CPLX2: variants seen among roughly 807,000 people sequenced by gnomAD.
The protein encoded by CPLX2 is complexin-2.
A neutral mutation model predicts 16.3 loss-of-function variants in CPLX2; 5 were observed. The observed-to-expected ratio is 0.31, with a 90% CI of 0.16 to 0.64. The LOEUF (loss-of-function observed/expected upper bound fraction) is 0.64. CPLX2 is among the 30% of genes least tolerant of loss of function. CPLX2 has a pLI of 0.79. For missense variants in CPLX2, 144 were observed against 181.4 expected (o/e 0.79, Z 1.18); for synonymous variants, 89 against 73.2 (o/e 1.22, Z -1.10).
chr5:175,863,952 A>G (rs1759417209), intron 2 of CPLX2, among the ~76,000 whole-genome samples: 1 of 152,160 alleles, frequency 6.6e-6, no homozygotes, highest in Admixed American at 6.5e-5. Context: ...TCTCATTCCA[A>G]CTTAAATACA....
At chr5:175,871,472 A>AGAAAGAGAGAGAGAGAGAGG (rs1759614979), upstream of CPLX2, 1 of 149,546 alleles carries the variant, frequency 6.7e-6, no homozygotes, top group African/African-American at 2.5e-5. Flanking sequence ...AGAGAGAGAG[A>AGAAAGAGAGAGAGAGAGAGG]GAGAGAGAGA....
At chr5:175,842,647 C>G (rs1313413566) in intron 2 of CPLX2, among the ~76,000 whole-genome samples, 2 of 152,228 alleles carry the variant, frequency 1.3e-5, no homozygotes, top group Admixed American at 6.5e-5. Context: ...AATCCTCCTC[C>G]CCTGGCCCCA....
intron 1 of CPLX2, among the ~76,000 whole-genome samples, chr5:175,808,151 C>G (rs7710860): frequency 0.59 from 90,315 of 151,984 alleles, 27,781 homozygotes; most frequent in East Asian, 0.71. Flanking sequence ...GCAAGAGCTG[C>G]AGAGAGAAGA....
intron 2 of CPLX2, among the ~76,000 whole-genome samples, chr5:175,829,262 C>A (rs1308428367): frequency 6.6e-6 from 1 of 152,196 alleles, no homozygotes; most frequent in Non-Finnish European, 1.5e-5. Flanking sequence ...GAGGAAACTG[C>A]GGCTCAGCGA....
intron 2 of CPLX2, among the ~76,000 whole-genome samples, chr5:175,855,149 G>A (rs1331688289): frequency 6.6e-6 from 1 of 152,226 alleles, no homozygotes; most frequent in Non-Finnish European, 1.5e-5. Flanking sequence ...GAGAGCAGCT[G>A]GATGAGAGCA....
chr5:175,858,663 G>T (rs890669152), intron 2 of CPLX2, among the ~76,000 whole-genome samples: 3 of 152,262 alleles, frequency 2.0e-5, no homozygotes, highest in African/African-American at 7.2e-5. Context: ...GTGACAAAAT[G>T]ACATGATGAT....
chr5:175,812,537 CA>C (rs1340545761), intron 2 of CPLX2, among the ~76,000 whole-genome samples: 1 of 152,120 alleles, frequency 6.6e-6, no homozygotes, highest in African/African-American at 2.4e-5. Flanking sequence ...TTCAAGATGG[CA>C]AAATGGAAAA....
chr5:175,829,086 C>G (rs1758678392), intron 2 of CPLX2, among the ~76,000 whole-genome samples: 1 of 152,230 alleles, frequency 6.6e-6, no homozygotes, highest in Admixed American at 6.5e-5. Flanking sequence ...GGCCTCTCCC[C>G]ACCACGTCAG....
chr5:175,864,190 C>T (rs1374582609), intron 2 of CPLX2, among the ~76,000 whole-genome samples: 1 of 152,138 alleles, frequency 6.6e-6, no homozygotes. Flanking sequence ...CCCCATTTCA[C>T]CAATGGGACA....
At chr5:175,814,915 C>T (rs1194769953) in intron 2 of CPLX2, among the ~76,000 whole-genome samples, 3 of 152,166 alleles carry the variant, frequency 2.0e-5, no homozygotes, top group East Asian at 1.9e-4. Context: ...GTCCTCCTCT[C>T]GGCCAGCCCA....
chr5:175,808,568 T>C (rs1057362996), intron 1 of CPLX2, among the ~76,000 whole-genome samples: 2 of 152,112 alleles, frequency 1.3e-5, no homozygotes, highest in Non-Finnish European at 2.9e-5. Flanking sequence ...GTATTAGGCA[T>C]CCCATTTTAC....
intron 2 of CPLX2, among the ~76,000 whole-genome samples, chr5:175,818,950 A>AC (rs1758459456): frequency 6.6e-6 from 1 of 152,102 alleles, no homozygotes; most frequent in South Asian, 2.1e-4. Flanking sequence ...GGCGTGAGCC[A>AC]CCGCGCCCGG....
chr5:175,880,537 G>A lies in CPLX2; in HGVS notation c.*492G>A, dbSNP rs1308241076. On this transcript the variant is annotated 3_prime_UTR_variant, in exon 4 of 4. Transcript: ENST00000393745. ...AGCCTGTCCCGGGAAGGCCCAGGCT[G>A]AGAGGCCCTGGCTCTGGCCAGGCTG... 5.4e-6 allele frequency: 1 copy of A among 186,026 alleles called. No individual in the cohort carries two copies. Among genetic ancestry groups the A allele is most frequent in the African/African-American group, 2.4e-5 (1 of 42,014 alleles). 11.5% of individuals were successfully genotyped at this position (186,026 alleles called of 1,614,324 possible). A position where few individuals can be genotyped will look rare whatever the true frequency, so the allele number is the denominator to read the frequency against.
chr5:175,863,416 G>A (rs2113692316), intron 2 of CPLX2, among the ~76,000 whole-genome samples: 1 of 152,350 alleles, frequency 6.6e-6, no homozygotes, highest in East Asian at 1.9e-4. Context: ...CTTCTTGGCT[G>A]TGTTATCCTG....
chr5:175,857,504 G>A, intron 2 of CPLX2, among the ~76,000 whole-genome samples: 1 of 152,218 alleles, frequency 6.6e-6, no homozygotes, highest in East Asian at 1.9e-4. Flanking sequence ...GAGCATCATT[G>A]CTGAACCTAG....
chr5:175,803,250 G>A (rs140012367), intron 1 of CPLX2, among the ~76,000 whole-genome samples: 2 of 152,328 alleles, frequency 1.3e-5, no homozygotes, highest in East Asian at 3.9e-4. Flanking sequence ...CCACTGGGCA[G>A]CTGTATGAGC....
Position 175,872,305 on chromosome 5 carries a change from TCCGGGAGGAGCCG to T in CPLX2, c.-89+604_-89+616del, listed in dbSNP as rs1426584412. ...GGACCAAGGGGACTATTTGTCCCTT[TCCGGGAGGAGCCG>T]CCGCTTGGACAGCGCACGCCCGCCG... On this transcript the variant is annotated intron_variant, in intron 1 of 3. Transcript: ENST00000393745. The surrounding 1 kb of genome is among the most constrained non-coding windows in gnomAD (Gnocchi z 5.0). 2 of 152,574 alleles carry T rather than the reference TCCGGGAGGAGCCG, an allele frequency of 1.3e-5. No homozygotes were observed. Among genetic ancestry groups the T allele is most frequent in the African/African-American group, 4.8e-5 (2 of 41,430 alleles). The allele number at this position is 152,574 out of a possible 1,614,324, so 9.5% of individuals were successfully genotyped here.
chr5:175,819,566 G>A (rs1758470539), intron 2 of CPLX2, among the ~76,000 whole-genome samples: 1 of 152,194 alleles, frequency 6.6e-6, no homozygotes, highest in Non-Finnish European at 1.5e-5. Context: ...TCAAGGCTCT[G>A]GACAGGGAGG....
intron 1 of CPLX2, among the ~76,000 whole-genome samples, chr5:175,799,075 G>A (rs1431141292): frequency 6.6e-6 from 1 of 152,188 alleles, no homozygotes; most frequent in Non-Finnish European, 1.5e-5. Context: ...AACTGTTTCA[G>A]AAATAAACAA....
Sources: gnomAD v4.1 joint callset for allele counts (sites outside exome capture counted in the v4.1 genomes callset) on GRCh38, gnomAD v4.1.1 for gene constraint, Gnocchi (gnomAD v3.1) non-coding constraint, MANE v1.5 for transcripts, NCBI Gene and HGNC (gene_info 2026-07-23, HGNC 2026-07-21) for gene names.